Variants in SLC41A1 observed in about 807,000 individuals in gnomAD.
SLC41A1 encodes solute carrier family 41 (magnesium transporter), member 1.
In SLC41A1, 20 loss-of-function variants were observed where a neutral mutation model predicts 47.3. The observed-to-expected ratio is 0.42, with a 90% confidence interval of 0.30 to 0.61. The LOEUF is 0.61. Among genes scored for constraint, SLC41A1 ranks in the 20% least tolerant of loss-of-function variants. SLC41A1 has a pLI of 0.17. For synonymous variants in SLC41A1, 282 were observed against 272.7 expected (o/e 1.03, Z -0.34); for missense variants, 504 against 674.1 (o/e 0.75, Z 2.79).
At chr1:205,807,841 G>C (rs1034163535) in intron 2 of SLC41A1, among the ~76,000 whole-genome samples, 2 of 148,424 alleles carry the variant, frequency 1.3e-5, no homozygotes, top group African/African-American at 5.0e-5. Flanking sequence ...TTTTTTGGTA[G>C]AGACAAGGTC....
chr1:205,791,810 G>C lies in SLC41A1; in HGVS notation c.1357-92C>G. 6.8e-7 allele frequency: 1 copy of C among 1,480,356 alleles called. No homozygotes were observed. The highest frequency in any genetic ancestry group is 1.2e-5 in the South Asian group (1 of 83,450). 91.7% of individuals were successfully genotyped at this position (1,480,356 alleles called of 1,614,324 possible). A position where few individuals can be genotyped will look rare whatever the true frequency, so the allele number is the denominator to read the frequency against. The stretch of plus-strand genomic sequence containing the variant: ...ATCAGACCCATTCAGTGCATCACAG[G>C]GCTTGGCTGGCCATAATCCTTACTT... On this transcript the variant is annotated intron_variant, in intron 10 of 10. Transcript: ENST00000367137. This position sits in a 1 kb window ranked among gnomAD's most constrained non-coding sequence, Gnocchi z 4.0.
chr1:205,794,025 A>G (rs942193719), intron 10 of SLC41A1, among the ~76,000 whole-genome samples: 12 of 152,226 alleles, frequency 7.9e-5, no homozygotes, highest in African/African-American at 2.9e-4. Flanking sequence ...GGGTGGATCT[A>G]GCTGTAAAGG....
rs1655896670 is a variant in SLC41A1, at chr1:205,802,197, AG to A, written c.373-1138del. Among the ~76,000 whole-genome samples, 3 of 151,996 alleles carry A rather than the reference AG, an allele frequency of 2.0e-5. No individual in the cohort carries two copies. The South Asian group carries it at 6.2e-4, about 31-fold the overall frequency. On this transcript the variant is annotated intron_variant, in intron 2 of 10. Coordinates refer to ENST00000367137, the MANE Select transcript of SLC41A1 (RefSeq NM_173854.6). ...GGTTGGTCTGCGTATCATGGCTGGG[AG>A]GCCAAGCACTATGTTTGGCAAGGGC... is the stretch of plus-strand genomic sequence containing the variant.
chr1:205,798,918 G>A (rs1481200055), intron 5 of SLC41A1, 39 bp downstream of exon 5: 1 of 1,614,152 alleles, frequency 6.2e-7, no homozygotes, highest in Non-Finnish European at 8.5e-7. Flanking sequence ...TGTTCTCTGG[G>A]GCGGCACTCC....
intron 1 of SLC41A1, 87 bp downstream of exon 1, chr1:205,812,721 C>T (rs1656187374): frequency 1.0e-6 from 1 of 985,914 alleles, no homozygotes. Flanking sequence ...TCAGTCTCTC[C>T]ACCACTCAGA....
intron 2 of SLC41A1, among the ~76,000 whole-genome samples, chr1:205,803,593 T>TA (rs1655940044): frequency 6.6e-6 from 1 of 151,118 alleles, no homozygotes; most frequent in African/African-American, 2.4e-5. Context: ...AACACTCAGA[T>TA]AAAAAACACT....
chr1:205,807,138 C>T (rs1000894599), intron 2 of SLC41A1, among the ~76,000 whole-genome samples: 3 of 152,126 alleles, frequency 2.0e-5, no homozygotes, highest in African/African-American at 7.2e-5. Context: ...GAAACCATCC[C>T]GCTCTTCCTG....
chr1:205,804,235 GAA>G (rs2102508007), intron 2 of SLC41A1, among the ~76,000 whole-genome samples: 1 of 152,304 alleles, frequency 6.6e-6, no homozygotes, highest in Admixed American at 6.5e-5. Flanking sequence ...TATAAGGCAA[GAA>G]CCTCTCTTTT....
At position 205,791,641 on chromosome 1, in the gene SLC41A1, G is replaced by A; in HGVS notation, c.1434C>T (p.Ser478=). 6.2e-7 allele frequency: 1 copy of A among 1,614,144 alleles called. No homozygotes were observed. Among genetic ancestry groups the A allele is most frequent in the Non-Finnish European group, 8.5e-7 (1 of 1,180,030 alleles). The part of the protein sequence containing the change: ...WGRGLDPDNF[S]IPYLTALGDL... ...CCCCCAGAGCAGTCAAGTATGGGAT[G>A]GAGAAGTTGTCCGGGTCCAGGCCCC... The change falls in exon 11 of 11, where the codon TCC becomes TCT. Residue 478 remains serine, a synonymous_variant. Coordinates refer to ENST00000367137, the MANE Select transcript of SLC41A1 (RefSeq NM_173854.6). This position sits in a 1 kb window ranked among gnomAD's most constrained non-coding sequence, Gnocchi z 4.0.
Position 205,810,677 on chromosome 1 carries a change from A to G in SLC41A1, c.-236T>C. 1 of 598,490 alleles carries G rather than the reference A, an allele frequency of 1.7e-6. No individual in the cohort carries two copies. The highest frequency in any genetic ancestry group is 2.9e-6 in the Non-Finnish European group (1 of 341,670). The allele number at this position is 598,490 out of a possible 1,614,324, so 37.1% of individuals were successfully genotyped here. ...AGAAACAAGAAATTCCTCACCAGAC[A>G]GCCACTAGGGGTGCAGATGCCTGAC... is the stretch of plus-strand genomic sequence containing the variant. On this transcript the variant is annotated 5_prime_UTR_variant, in exon 2 of 11. Coordinates refer to ENST00000367137, the MANE Select transcript of SLC41A1 (RefSeq NM_173854.6). The surrounding 1 kb of genome is among the most constrained non-coding windows in gnomAD (Gnocchi z 5.5).
intron 2 of SLC41A1, among the ~76,000 whole-genome samples, chr1:205,807,231 C>T (rs1656033687): frequency 6.6e-6 from 1 of 152,216 alleles, no homozygotes; most frequent in Admixed American, 6.5e-5. Flanking sequence ...GGTCCCTCTG[C>T]ACTCACCCCC....
At chr1:205,796,803 T>G in intron 8 of SLC41A1, 121 bp downstream of exon 8, 2 of 961,758 alleles carry the variant, frequency 2.1e-6, no homozygotes, top group South Asian at 1.4e-5. Context: ...TTGAACCATC[T>G]GAGCTAGATT....
chr1:205,795,125 A>G, intron 9 of SLC41A1, 107 bp from the exon 10 acceptor site: 1 of 1,492,808 alleles, frequency 6.7e-7, no homozygotes, highest in Middle Eastern at 2.2e-4. Context: ...GGCAACAGAC[A>G]GATGAATGTC....
Position 205,796,991 on chromosome 1 carries a change from G to A in SLC41A1, c.1005C>T (p.Leu335=). 6.2e-7 allele frequency: 1 copy of A among 1,612,674 alleles called. No homozygotes were observed. The highest frequency in any genetic ancestry group is 8.5e-7 in the Non-Finnish European group (1 of 1,179,616). The change falls in exon 8 of 11, where the codon CTC becomes CTT. Residue 335 remains leucine, a synonymous_variant. Coordinates refer to ENST00000367137, the MANE Select transcript of SLC41A1 (RefSeq NM_173854.6). ...GGTCTGAGACAGTCTTGTCCAAGAT[G>A]AGGCCTCCCACACTATAGAGACATA... ...IAMAISSVGG[L]ILDKTVSDPN...
chr1:205,801,809 T>C (rs772636969), intron 2 of SLC41A1, among the ~76,000 whole-genome samples: 5 of 152,176 alleles, frequency 3.3e-5, no homozygotes, highest in Non-Finnish European at 1.5e-5. Flanking sequence ...ACCAATGTCT[T>C]TGGTTAACAT....
Position 205,813,183 on chromosome 1 carries a change from T to C in SLC41A1, c.-1022A>G. 1 of 985,184 alleles carries C rather than the reference T, an allele frequency of 1.0e-6. No individual in the cohort carries two copies. The highest frequency in any genetic ancestry group is 1.2e-6 in the Non-Finnish European group (1 of 829,922). 61.0% of individuals were successfully genotyped at this position (985,184 alleles called of 1,614,324 possible). ...ACTGGTTGGCTGCCGGTGGCAAACG[T>C]GATCTGGGGCAGACTGGGTGGCACC... On this transcript the variant is annotated 5_prime_UTR_variant, in exon 1 of 11. Transcript: ENST00000367137.
intron 8 of SLC41A1, chr1:205,795,700 C>G: frequency 1.6e-6 from 1 of 624,104 alleles, no homozygotes; most frequent in Non-Finnish European, 2.8e-6. Flanking sequence ...CAGCCTCCCC[C>G]ATCCTCCCCT....
chr1:205,803,743 T>C (rs1300501610), intron 2 of SLC41A1, among the ~76,000 whole-genome samples: 1 of 150,930 alleles, frequency 6.6e-6, no homozygotes, highest in Non-Finnish European at 1.5e-5. Flanking sequence ...TCTCAGTCTC[T>C]CGGGTAGTTG....
At chr1:205,798,857 G>T (rs772666005) in intron 5 of SLC41A1, 42 bp from the exon 6 acceptor site, 1 of 1,614,204 alleles carries the variant, frequency 6.2e-7, no homozygotes, top group Admixed American at 1.7e-5. Flanking sequence ...GGTGAGAAGA[G>T]ATAAAGGAGT....
Sources: allele counts gnomAD v4.1 joint callset (sites outside exome capture counted in the v4.1 genomes callset), GRCh38; gene constraint gnomAD v4.1.1; non-coding constraint Gnocchi (gnomAD v3.1); transcripts MANE v1.5; gene names NCBI Gene and HGNC (gene_info 2026-07-23, HGNC 2026-07-21).